Variants in ELF1 observed in about 807,000 individuals in gnomAD.
The protein encoded by ELF1 is ETS-related transcription factor Elf-1.
Under a neutral mutation model 59.9 loss-of-function variants are expected in ELF1, and 24 were observed. That is an observed-to-expected ratio of 0.40 (90% CI 0.29 to 0.56). The LOEUF (loss-of-function observed/expected upper bound fraction) is 0.56, where lower values mean the gene tolerates loss of function less well. Among genes scored for constraint, ELF1 ranks in the 20% least tolerant of loss-of-function variants. The pLI is 0.44. For missense variants in ELF1, 627 were observed against 742.2 expected (o/e 0.84, Z 1.80); for synonymous variants, 248 against 266.2 (o/e 0.93, Z 0.67).
At chr13:40,977,199 G>T (rs1872964555) in intron 2 of ELF1, among the ~76,000 whole-genome samples, 1 of 151,804 alleles carries the variant, frequency 6.6e-6, no homozygotes, top group East Asian at 1.9e-4. Flanking sequence ...TTAGAAACTT[G>T]TATCCATAGA....
At chr13:40,997,585 G>T (rs1874195376) in intron 1 of ELF1, among the ~76,000 whole-genome samples, 1 of 151,792 alleles carries the variant, frequency 6.6e-6, no homozygotes, top group Non-Finnish European at 1.5e-5. Flanking sequence ...AAGAGATGGA[G>T]TCTTGATATG....
intron 1 of ELF1, among the ~76,000 whole-genome samples, chr13:41,056,488 A>C (rs1211661711): frequency 6.6e-6 from 1 of 152,210 alleles, no homozygotes; most frequent in Non-Finnish European, 1.5e-5. Flanking sequence ...TACTGGGTAC[A>C]CACCTAGGAG....
chr13:40,964,574 A>G (rs1036416475), intron 2 of ELF1, among the ~76,000 whole-genome samples: 1 of 151,952 alleles, frequency 6.6e-6, no homozygotes, highest in East Asian at 1.9e-4. Flanking sequence ...TCCCTCTGTC[A>G]CCTAGGCTGG....
intron 1 of ELF1, among the ~76,000 whole-genome samples, chr13:41,009,655 T>C (rs1874938221): frequency 6.6e-6 from 1 of 152,172 alleles, no homozygotes; most frequent in Non-Finnish European, 1.5e-5. Context: ...TTTAATATAC[T>C]TCCCAATTTT....
At chr13:41,051,865 A>G (rs1259963987) in intron 1 of ELF1, among the ~76,000 whole-genome samples, 1 of 152,028 alleles carries the variant, frequency 6.6e-6, no homozygotes, top group Non-Finnish European at 1.5e-5. Context: ...CAAAATTTAT[A>G]GAATAGTTAT....
chr13:40,944,907 A>G (rs1877106036), intron 5 of ELF1, among the ~76,000 whole-genome samples: 1 of 152,216 alleles, frequency 6.6e-6, no homozygotes, highest in Non-Finnish European at 1.5e-5. Context: ...GTCAGTGACA[A>G]TTTATCCCCA....
At chr13:40,968,585 A>G (rs898044478) in intron 2 of ELF1, among the ~76,000 whole-genome samples, 11 of 152,328 alleles carry the variant, frequency 7.2e-5, no homozygotes, top group African/African-American at 2.4e-4. Context: ...ATAGATTTCC[A>G]AAGCCCAGTA....
intron 1 of ELF1, among the ~76,000 whole-genome samples, chr13:41,035,514 C>CT (rs1372228086): frequency 4.6e-5 from 7 of 151,964 alleles, no homozygotes; most frequent in Non-Finnish European, 7.4e-5. Flanking sequence ...ACTTTCCTGA[C>CT]TTAATCTAAA....
At chr13:40,996,316 C>T (rs1874124702) in intron 1 of ELF1, among the ~76,000 whole-genome samples, 1 of 152,088 alleles carries the variant, frequency 6.6e-6, no homozygotes, top group South Asian at 2.1e-4. Flanking sequence ...TGGTATTTAC[C>T]CAAAGGAAGT....
chr13:41,060,914 TGCCGCCGCCGCC>T lies in ELF1; in HGVS notation c.-317_-306del, dbSNP rs60249003. The T allele has an allele frequency of 5.3e-4, 184 of 344,822 alleles. 2 individuals are homozygous for T. Among genetic ancestry groups the T allele is most frequent in the South Asian group, 1.0e-3 (48 of 45,786 alleles). 21.4% of individuals were successfully genotyped at this position (344,822 alleles called of 1,614,324 possible). On this transcript the variant is annotated 5_prime_UTR_variant, in exon 1 of 2. Transcript: ENST00000405737. ...GCCTCTGCGCTACTGAAGCTGCTGC[TGCCGCCGCCGCC>T]GCCGCCGCCGCCGCCGCCGCTGCTG...
intron 2 of ELF1, among the ~76,000 whole-genome samples, chr13:40,980,741 T>C (rs1873209873): frequency 6.6e-6 from 1 of 152,160 alleles, no homozygotes; most frequent in Admixed American, 6.6e-5. Flanking sequence ...AAACACACTG[T>C]TTCAAACCTT....
chr13:40,973,316 T>C (rs778210365), intron 2 of ELF1, among the ~76,000 whole-genome samples: 14 of 152,188 alleles, frequency 9.2e-5, no homozygotes, highest in African/African-American at 1.4e-4. Context: ...TAATGTAGCA[T>C]TTCTAACAAC....
At chr13:41,024,088 C>T (rs1875790140), upstream of ELF1, among the ~76,000 whole-genome samples, 1 of 152,134 alleles carries the variant, frequency 6.6e-6, no homozygotes, top group Non-Finnish European at 1.5e-5. Context: ...ATGCTGACTG[C>T]AATCTCAAGT....
intron 1 of ELF1, among the ~76,000 whole-genome samples, chr13:41,007,613 A>C (rs528483277): frequency 2.2e-4 from 33 of 152,322 alleles, no homozygotes; most frequent in Non-Finnish European, 2.9e-4. Flanking sequence ...CAACGCCTTC[A>C]CTTTCTTTGA....
intron 1 of ELF1, among the ~76,000 whole-genome samples, chr13:41,026,000 G>A (rs1875883625): frequency 6.6e-6 from 1 of 152,040 alleles, no homozygotes; most frequent in South Asian, 2.1e-4. Flanking sequence ...CCTAACTCAG[G>A]GATATATCAA....
At chr13:41,010,185 C>T (rs1874969001) in intron 1 of ELF1, among the ~76,000 whole-genome samples, 1 of 147,234 alleles carries the variant, frequency 6.8e-6, no homozygotes, top group African/African-American at 2.5e-5. Flanking sequence ...ATAAGAGGAT[C>T]GATTGAGCCC....
chr13:40,993,357 A>T (rs529709622), intron 1 of ELF1: 1 of 1,167,718 alleles, frequency 8.6e-7, no homozygotes, highest in African/African-American at 1.5e-5. Context: ...CCAATTAGCC[A>T]GTTGCCTGCA....
chr13:40,940,408 A>AC (rs1870070340), intron 8 of ELF1, among the ~76,000 whole-genome samples: 1 of 147,592 alleles, frequency 6.8e-6, no homozygotes, highest in South Asian at 2.1e-4. Flanking sequence ...AAAAAAAAAA[A>AC]AAAAAAAAAA....
chr13:40,999,827 T>C (rs1874324229), intron 1 of ELF1, among the ~76,000 whole-genome samples: 1 of 152,194 alleles, frequency 6.6e-6, no homozygotes, highest in African/African-American at 2.4e-5. Context: ...AATCACCTAA[T>C]TTACTCCATG....
Sources: allele counts gnomAD v4.1 joint callset (sites outside exome capture counted in the v4.1 genomes callset), GRCh38; gene constraint gnomAD v4.1.1; transcripts MANE v1.5; gene names NCBI Gene and HGNC (gene_info 2026-07-23, HGNC 2026-07-21).